Variants in SDK2 observed in about 807,000 individuals in gnomAD.
SDK2 encodes the protein sidekick cell adhesion molecule 2.
Under a neutral mutation model 253.9 loss-of-function variants are expected in SDK2, and 105 were observed. The ratio of observed to expected loss-of-function variants is 0.41; its 90% CI spans 0.35 to 0.49. The LOEUF (loss-of-function observed/expected upper bound fraction) is 0.49. Among genes scored for constraint, SDK2 ranks in the 20% least tolerant of loss-of-function variants. The probability of loss-of-function intolerance (pLI) is 0.06; values close to 1 mark genes in which losing one functional copy is unlikely to be tolerated. For synonymous variants in SDK2, 1,249 were observed against 1,234.9 expected, an observed-to-expected ratio of 1.01 and a Z score of -0.24; for missense variants, 2,608 against 3,003.0, an observed-to-expected ratio of 0.87 and a Z score of 3.07.
chr17:73,494,065 G>A (rs1018938876), intron 2 of SDK2, among the ~76,000 whole-genome samples: 23 of 152,288 alleles, frequency 1.5e-4, no homozygotes, highest in African/African-American at 4.6e-4. Context: ...CTGACCCGGC[G>A]AGTCCCTCTC....
intron 1 of SDK2, among the ~76,000 whole-genome samples, chr17:73,588,668 G>A (rs1347804138): frequency 6.6e-6 from 1 of 152,136 alleles, no homozygotes; most frequent in African/African-American, 2.4e-5. Context: ...GAAATACCCC[G>A]CAGTGCTCAG....
chr17:73,576,221 G>T (rs534937476), intron 1 of SDK2, among the ~76,000 whole-genome samples: 1 of 152,284 alleles, frequency 6.6e-6, no homozygotes, highest in South Asian at 2.1e-4. Context: ...CAAAGAAGGG[G>T]AGGGAACGTC....
At chr17:73,400,332 C>A (rs1192075297) in intron 21 of SDK2, among the ~76,000 whole-genome samples, 1 of 152,222 alleles carries the variant, frequency 6.6e-6, no homozygotes. Flanking sequence ...TCCCAACCAA[C>A]CCTTCCACAC....
chr17:73,340,996 G>A (rs1191901840), intron 44 of SDK2, among the ~76,000 whole-genome samples: 3 of 150,202 alleles, frequency 2.0e-5, no homozygotes, highest in African/African-American at 4.9e-5. Context: ...TGCCCACCTC[G>A]GCGTCCCAAA....
At chr17:73,390,163 C>T (rs1807119556) in intron 29 of SDK2, 124 bp downstream of exon 29, 6 of 835,154 alleles carry the variant, frequency 7.2e-6, no homozygotes, top group Non-Finnish European at 1.8e-6. Context: ...AGATTGGAGC[C>T]CACCTTCCAT....
intron 12 of SDK2, 121 bp from the exon 13 acceptor site, chr17:73,424,213 C>T: frequency 3.9e-6 from 3 of 766,798 alleles, no homozygotes; most frequent in Non-Finnish European, 6.2e-6. Context: ...CTGCAGGCAA[C>T]AGCCAGGCAG....
At chr17:73,389,907 G>A (rs898348224) in intron 29 of SDK2, among the ~76,000 whole-genome samples, 2 of 152,108 alleles carry the variant, frequency 1.3e-5, no homozygotes, top group Non-Finnish European at 2.9e-5. Context: ...GTGCCACCAC[G>A]CTGGCTAATT....
In SDK2 at chr17:73,379,435, G is replaced by A. The variant is rs777318693; in HGVS notation, c.4864+13C>T. 1.9e-5 allele frequency: 30 copies of A among 1,586,108 alleles called. 1 individual carries two copies. The East Asian group carries it at 3.1e-4, about 17-fold the overall frequency. On this transcript the variant is annotated intron_variant, in intron 35 of 44. Transcript: ENST00000392650. The surrounding 1 kb of genome is among the most constrained non-coding windows in gnomAD (Gnocchi z 4.5). ...AAGGCATGCTGGGGCCGGACAGGGC[G>A]GGCGCTGCTCACCTGCCTCCCCAAC...
chr17:73,568,170 G>T (rs1278257572), intron 1 of SDK2, among the ~76,000 whole-genome samples: 3 of 152,178 alleles, frequency 2.0e-5, no homozygotes, highest in African/African-American at 7.2e-5. Flanking sequence ...ACGGTAATGG[G>T]TGAATTCTCG....
At chr17:73,579,048 C>A (rs1164142238) in intron 1 of SDK2, among the ~76,000 whole-genome samples, 2 of 152,094 alleles carry the variant, frequency 1.3e-5, no homozygotes, top group Non-Finnish European at 2.9e-5. Context: ...CCCCACCCCT[C>A]CCTTCCCCTC....
At chr17:73,638,600 G>C (rs1333798567) in intron 1 of SDK2, among the ~76,000 whole-genome samples, 1 of 152,122 alleles carries the variant, frequency 6.6e-6, no homozygotes, top group Non-Finnish European at 1.5e-5. Context: ...CAGTCAGTGT[G>C]GGGACAGGAG....
chr17:73,542,426 G>A (rs754685776), intron 1 of SDK2, among the ~76,000 whole-genome samples: 16 of 152,210 alleles, frequency 1.1e-4, no homozygotes, highest in Admixed American at 2.6e-4. Flanking sequence ...TTGGTGGAGG[G>A]GGCTGGTGAA....
intron 1 of SDK2, chr17:73,513,766 C>T (rs1387433302): frequency 1.3e-5 from 2 of 152,186 alleles, no homozygotes; most frequent in African/African-American, 4.8e-5. Flanking sequence ...GCAGACGGCG[C>T]CTGAGCGATC....
At chr17:73,400,351 C>A (rs1385730122) in intron 21 of SDK2, among the ~76,000 whole-genome samples, 2 of 152,198 alleles carry the variant, frequency 1.3e-5, no homozygotes, top group African/African-American at 4.8e-5. Context: ...ACGCTGGAAT[C>A]CAAGGTGGAC....
chr17:73,401,171 G>C lies in SDK2; in HGVS notation c.2820C>G (p.Thr940=), dbSNP rs146716999. 273 of 1,557,296 alleles carry C rather than the reference G, an allele frequency of 1.8e-4. No individual in the cohort carries two copies. The highest frequency in any genetic ancestry group is 1.4e-3 in the South Asian group (120 of 84,334). The change falls in exon 21 of 45, where the codon ACC becomes ACG. Residue 940 remains threonine (T), a synonymous_variant. Coordinates refer to ENST00000392650, the MANE Select transcript of SDK2 (RefSeq NM_001144952.2). The part of the protein sequence containing the change: ...ISWEEYNRTN[T]RVTHYLPNVT... ...CGTTGGGCAGGTAGTGGGTCACACG[G>C]GTGTTGGTTCGATTGTACTCCTCCC...
In SDK2 at chr17:73,350,679, C is replaced by T; in HGVS notation, c.5870G>A (p.Ser1957Asn). 1 of 1,613,236 alleles carries T rather than the reference C, an allele frequency of 6.2e-7. No individual in the cohort carries two copies. Among genetic ancestry groups the T allele is most frequent in the Non-Finnish European group, 8.5e-7 (1 of 1,179,592 alleles). Residue 1957 changes from serine (S) to asparagine (N), a missense_variant, in exon 42 of 45, where the codon AGC becomes AAC. Physicochemically the swap from Ser to Asn is conservative, Grantham distance 46. Around this residue, in one of 2 missense-constraint regions of SDK2, gnomAD observed 1,103 missense variants for 1,143.9 expected, o/e 0.96. Transcript: ENST00000392650. ...LVFVLIIRGQ[S>N]KKYAKKTDSG... Reference sequence around the variant, plus strand: ...GTCTGTCTTCTTGGCGTACTTCTTGCTCTGGCCCCGGATGATGAGCACGAA... The same window carrying T: ...GTCTGTCTTCTTGGCGTACTTCTTGTTCTGGCCCCGGATGATGAGCACGAA...
At chr17:73,348,352 G>C (rs2062502592) in intron 44 of SDK2, among the ~76,000 whole-genome samples, 1 of 152,208 alleles carries the variant, frequency 6.6e-6, no homozygotes, top group Non-Finnish European at 1.5e-5. Flanking sequence ...AACGTAGAGA[G>C]GGCCGTCTTC....
At chr17:73,401,293 A>C in intron 20 of SDK2, 82 bp from the exon 21 acceptor site, 35 of 1,291,094 alleles carry the variant, frequency 2.7e-5, no homozygotes, top group Non-Finnish European at 3.5e-5. Context: ...TCACTTCTCC[A>C]CTAGGCTGGC....
intron 1 of SDK2, among the ~76,000 whole-genome samples, chr17:73,558,513 T>G (rs1366398892): frequency 6.6e-6 from 1 of 151,986 alleles, no homozygotes; most frequent in African/African-American, 2.4e-5. Flanking sequence ...CAAGCACTTT[T>G]TCATGGCACT....
Sources: gnomAD v4.1 joint callset for allele counts (sites outside exome capture counted in the v4.1 genomes callset) on GRCh38, gnomAD v4.1.1 for gene constraint, gnomAD v4.1.1 regional missense constraint, Gnocchi (gnomAD v3.1) non-coding constraint, MANE v1.5 for transcripts, NCBI Gene and HGNC (gene_info 2026-07-23, HGNC 2026-07-21) for gene names.